The following MARCHF10 variants were observed in gnomAD, a reference collection of about 807,000 sequenced individuals.
MARCHF10 encodes the protein probable E3 ubiquitin-protein ligase MARCHF10.
In MARCHF10, 64 loss-of-function variants were observed where a neutral mutation model predicts 76.2. The observed-to-expected ratio is 0.84, with a 90% CI of 0.69 to 1.03. The LOEUF (loss-of-function observed/expected upper bound fraction) is 1.03. Ranked by LOEUF, MARCHF10 falls within the 50% of genes least tolerant of loss-of-function variation. The probability of loss-of-function intolerance (pLI) is 0.00; values close to 1 mark genes in which losing one functional copy is unlikely to be tolerated. For missense variants in MARCHF10, 875 were observed against 958.0 expected (o/e 0.91, Z 1.14); for synonymous variants, 340 against 357.5 (o/e 0.95, Z 0.55).
At chr17:62,764,093 T>C (rs928258107) in intron 3 of MARCHF10, among the ~76,000 whole-genome samples, 14 of 152,264 alleles carry the variant, frequency 9.2e-5, no homozygotes, top group Non-Finnish European at 1.8e-4. Context: ...AGAAGGGGGA[T>C]GAATCTCCTC....
intron 3 of MARCHF10, among the ~76,000 whole-genome samples, chr17:62,780,337 G>A (rs559842158): frequency 1.3e-5 from 2 of 152,182 alleles, no homozygotes; most frequent in African/African-American, 4.8e-5. Context: ...AGCCATTGCA[G>A]GCTACTTGAA....
At chr17:62,751,827 C>A (rs1049494538) in intron 4 of MARCHF10, among the ~76,000 whole-genome samples, 5 of 152,114 alleles carry the variant, frequency 3.3e-5, no homozygotes, top group African/African-American at 1.2e-4. Context: ...TCGATACCAG[C>A]CTGGCCAACA....
In MARCHF10 at chr17:62,701,386, G is replaced by GT; in HGVS notation, c.*316dup. ...TTCAGGGTGGAGTGAGGCCTGGCAGGTGCCCTCAGCAGTGGGACCCCAGGC... is the reference window on the plus strand; with the variant it reads ...TTCAGGGTGGAGTGAGGCCTGGCAGGTTGCCCTCAGCAGTGGGACCCCAGGC... On this transcript the variant is annotated 3_prime_UTR_variant, in exon 11 of 11. Transcript: ENST00000311269. 1 of 437,448 alleles carries GT rather than the reference G, an allele frequency of 2.3e-6. No homozygotes were observed. Among genetic ancestry groups the GT allele is most frequent in the East Asian group, 4.0e-5 (1 of 24,884 alleles). 27.1% of individuals were successfully genotyped at this position (437,448 alleles called of 1,614,324 possible).
intron 7 of MARCHF10, among the ~76,000 whole-genome samples, chr17:62,723,147 C>T (rs922264747): frequency 2.6e-5 from 4 of 151,176 alleles, no homozygotes; most frequent in Non-Finnish European, 5.9e-5. Flanking sequence ...GTACCCAGGG[C>T]CAGCTCATCA....
intron 10 of MARCHF10, among the ~76,000 whole-genome samples, chr17:62,702,697 G>C (rs1344169163): frequency 6.7e-6 from 1 of 149,748 alleles, no homozygotes; most frequent in East Asian, 1.9e-4. Context: ...AAAAAGAAAA[G>C]AAAGAAAGTT....
At chr17:62,772,893 G>T (rs192362971) in intron 3 of MARCHF10, among the ~76,000 whole-genome samples, 2 of 152,054 alleles carry the variant, frequency 1.3e-5, no homozygotes, top group African/African-American at 2.4e-5. Context: ...TACACCCATC[G>T]CTTGTTATTT....
chr17:62,789,207 G>A (rs1053187877), intron 2 of MARCHF10, among the ~76,000 whole-genome samples: 4 of 151,936 alleles, frequency 2.6e-5, no homozygotes, highest in African/African-American at 7.3e-5. Flanking sequence ...GGCAGCACCT[G>A]TTACACCTTG....
At position 62,779,640 on chromosome 17, in the gene MARCHF10, G is replaced by A. The variant is rs115575468; in HGVS notation, c.210+8840C>T. Among the ~76,000 whole-genome samples, 1,404 of 152,358 alleles carry A rather than the reference G, an allele frequency of 9.2e-3. 28 individuals carry two copies. Among genetic ancestry groups the A allele is most frequent in the African/African-American group, 0.033 (1,354 of 41,588 alleles). On this transcript the variant is annotated intron_variant, in intron 3 of 10. Transcript: ENST00000311269. ...TTTGCTAGGAGCCGCAGTATGCAAA[G>A]CATTGTGCTATGGATTATGCAGGGC...
At chr17:62,754,325 G>C (rs2091980027) in intron 4 of MARCHF10, among the ~76,000 whole-genome samples, 1 of 152,170 alleles carries the variant, frequency 6.6e-6, no homozygotes, top group South Asian at 2.1e-4. Flanking sequence ...CGCTTGCCTT[G>C]GCCTCCCAGA....
intron 5 of MARCHF10, among the ~76,000 whole-genome samples, chr17:62,743,314 CA>C (rs1183595373): frequency 2.6e-5 from 4 of 152,156 alleles, no homozygotes; most frequent in Non-Finnish European, 5.9e-5. Context: ...ACACATTCTT[CA>C]ATATGTATAT....
At chr17:62,732,876 C>G (rs907505119) in intron 6 of MARCHF10, among the ~76,000 whole-genome samples, 1 of 151,256 alleles carries the variant, frequency 6.6e-6, no homozygotes, top group Non-Finnish European at 1.5e-5. Context: ...GCCTGTAATC[C>G]CAGCTACTGG....
At chr17:62,807,189 TA>T (rs988554427) in intron 1 of MARCHF10, among the ~76,000 whole-genome samples, 2 of 152,074 alleles carry the variant, frequency 1.3e-5, no homozygotes, top group Non-Finnish European at 2.9e-5. Flanking sequence ...ATCTTAGCTC[TA>T]AAAAAAACTT....
intron 8 of MARCHF10, among the ~76,000 whole-genome samples, chr17:62,722,277 C>CAA (rs57370093): frequency 2.3e-3 from 177 of 78,442 alleles, no homozygotes; most frequent in East Asian, 0.01. Flanking sequence ...GACTCTGTCT[C>CAA]AAAAAAAAAA....
At chr17:62,719,385 GA>G (rs2090373452) in intron 8 of MARCHF10, among the ~76,000 whole-genome samples, 1 of 151,750 alleles carries the variant, frequency 6.6e-6, no homozygotes, top group Admixed American at 6.6e-5. Context: ...CTTTGCTCTT[GA>G]AGGATAATTT....
At chr17:62,754,005 C>G (rs1453773272) in intron 4 of MARCHF10, among the ~76,000 whole-genome samples, 1 of 152,180 alleles carries the variant, frequency 6.6e-6, no homozygotes. Flanking sequence ...CCCATAGGTA[C>G]TGGATAAACG....
Position 62,750,159 on chromosome 17 carries a change from C to T in MARCHF10, c.383-5631G>A, listed in dbSNP as rs371650524. ...GCCTTCCGGAAGCCCGAAGTCCCCT[C>T]TCCCCGACTGCGCTGTGCTGTGTGC... On this transcript the variant is annotated intron_variant, in intron 4 of 10. Coordinates refer to ENST00000311269, the MANE Select transcript of MARCHF10 (RefSeq NM_152598.4). 1.9e-3 allele frequency: 299 copies of T among 153,730 alleles called. 2 individuals are homozygous for T. The highest frequency in any genetic ancestry group is 6.9e-3 in the African/African-American group (286 of 41,582). 9.5% of individuals were successfully genotyped at this position (153,730 alleles called of 1,614,324 possible).
At chr17:62,751,498 A>G (rs574438756) in intron 4 of MARCHF10, among the ~76,000 whole-genome samples, 1 of 152,318 alleles carries the variant, frequency 6.6e-6, no homozygotes, top group Admixed American at 6.5e-5. Flanking sequence ...GATCTGAGAC[A>G]GCTGCCCAAA....
intron 2 of MARCHF10, among the ~76,000 whole-genome samples, chr17:62,799,645 C>T (rs1000091224): frequency 1.3e-4 from 20 of 151,552 alleles, no homozygotes; most frequent in African/African-American, 4.9e-4. Context: ...ACTTGGGACG[C>T]GGAGGCAGGA....
chr17:62,761,434 T>A (rs1379865547), intron 3 of MARCHF10, among the ~76,000 whole-genome samples: 1 of 152,188 alleles, frequency 6.6e-6, no homozygotes, highest in African/African-American at 2.4e-5. Flanking sequence ...TTTTTTCTTT[T>A]TTTTGAGACA....
Sources: allele counts gnomAD v4.1 joint callset (sites outside exome capture counted in the v4.1 genomes callset), GRCh38; gene constraint gnomAD v4.1.1; transcripts MANE v1.5; gene names NCBI Gene and HGNC (gene_info 2026-07-23, HGNC 2026-07-21).